Variants in PGBD5 observed in about 807,000 individuals in gnomAD.
PGBD5 encodes the protein piggyBac transposable element derived 5.
PGBD5 carries 14 observed loss-of-function variants against 47.9 expected under a neutral mutation model. The observed-to-expected ratio is 0.29, with a 90% CI of 0.19 to 0.46. The LOEUF (loss-of-function observed/expected upper bound fraction) is 0.46. Ranked by LOEUF, PGBD5 falls within the 20% of genes least tolerant of loss-of-function variation. PGBD5 has a pLI of 1.00. For synonymous variants in PGBD5, 316 were observed against 306.3 expected (o/e 1.03, Z -0.33); for missense variants, 635 against 716.0 (o/e 0.89, Z 1.29).
rs778391252 is a variant in PGBD5 at position 230,368,176 on chromosome 1, A to G, written c.332-10855T>C. 7.3e-6 allele frequency: 10 copies of G among 1,363,346 alleles called. No individual in the cohort carries two copies. The East Asian group carries it at 1.4e-4, about 19-fold the overall frequency. 84.5% of individuals were successfully genotyped at this position (1,363,346 alleles called of 1,614,324 possible). The stretch of plus-strand genomic sequence containing the variant: ...AGGAGGAATAAGGTGGAGGAGAGAG[A>G]AGGCTTGGGGAGATGGATAAAAGCT... On this transcript the variant is annotated intron_variant, in intron 1 of 6. Coordinates refer to ENST00000391860, the MANE Select transcript of PGBD5 (RefSeq NM_001258311.2).
intron 1 of PGBD5, among the ~76,000 whole-genome samples, chr1:230,373,854 C>A (rs559493381): frequency 6.6e-6 from 1 of 152,044 alleles, no homozygotes; most frequent in Admixed American, 6.5e-5. Context: ...CCACCACACC[C>A]GGCTAATTTT....
At chr1:230,405,022 G>A (rs936488428) in intron 1 of PGBD5, among the ~76,000 whole-genome samples, 1 of 142,026 alleles carries the variant, frequency 7.0e-6, no homozygotes, top group Non-Finnish European at 1.5e-5. Context: ...GTGAAACCCC[G>A]TCTCCACTAA....
chr1:230,416,081 T>C (rs544775747), intron 1 of PGBD5, among the ~76,000 whole-genome samples: 1 of 152,356 alleles, frequency 6.6e-6, no homozygotes, highest in East Asian at 1.9e-4. Flanking sequence ...TGCAAGCAGC[T>C]GGCTTCCCTG....
chr1:230,378,268 G>A (rs966733829), intron 1 of PGBD5, among the ~76,000 whole-genome samples: 3 of 152,172 alleles, frequency 2.0e-5, no homozygotes, highest in African/African-American at 7.2e-5. Context: ...TCAAATCACT[G>A]CCATTGCAGG....
chr1:230,350,828 T>G (rs1667549089), intron 3 of PGBD5, 130 bp downstream of exon 3: 2 of 1,334,808 alleles, frequency 1.5e-6, no homozygotes, highest in East Asian at 4.9e-5. Context: ...CAGGAGCATC[T>G]GGGTGGACTT....
At chr1:230,422,466 G>A (rs1248142900) in intron 1 of PGBD5, among the ~76,000 whole-genome samples, 1 of 152,168 alleles carries the variant, frequency 6.6e-6, no homozygotes, top group African/African-American at 2.4e-5. Flanking sequence ...CTGCAAGTCT[G>A]GTTAAGAGAG....
intron 3 of PGBD5, among the ~76,000 whole-genome samples, chr1:230,338,360 C>T (rs962146988): frequency 1.3e-5 from 2 of 152,228 alleles, no homozygotes; most frequent in East Asian, 1.9e-4. Context: ...GGGTTCTCAT[C>T]TGGTGCTTGG....
At chr1:230,395,380 G>A (rs1263844165) in intron 1 of PGBD5, among the ~76,000 whole-genome samples, 15 of 13,742 alleles carry the variant, frequency 1.1e-3, no homozygotes, top group Admixed American at 2.1e-3. Flanking sequence ...CTCTCCTCAT[G>A]CTCCTCCCCA....
intron 3 of PGBD5, among the ~76,000 whole-genome samples, chr1:230,348,832 G>A (rs142956965): frequency 1.1e-3 from 175 of 152,282 alleles, no homozygotes; most frequent in African/African-American, 2.7e-3. Flanking sequence ...GTCCTGTCAC[G>A]GCACAGCCTG....
intron 3 of PGBD5, among the ~76,000 whole-genome samples, chr1:230,337,622 AG>A (rs1667347614): frequency 6.6e-6 from 1 of 152,244 alleles, no homozygotes; most frequent in South Asian, 2.1e-4. Flanking sequence ...ATAAAATTAA[AG>A]GCAACCTCAC....
At chr1:230,372,603 A>G (rs1026377756) in intron 1 of PGBD5, among the ~76,000 whole-genome samples, 2 of 152,340 alleles carry the variant, frequency 1.3e-5, no homozygotes, top group East Asian at 1.9e-4. Flanking sequence ...ATGTGGATAC[A>G]GTGGGAAAGG....
chr1:230,337,452 A>T (rs1397554024), intron 3 of PGBD5, among the ~76,000 whole-genome samples, 164 bp from the exon 4 acceptor site: 1 of 152,142 alleles, frequency 6.6e-6, no homozygotes, highest in Non-Finnish European at 1.5e-5. Context: ...GTCACCCCCA[A>T]GCACACCCCG....
intron 1 of PGBD5, among the ~76,000 whole-genome samples, chr1:230,410,210 A>G (rs1048957362): frequency 6.6e-6 from 1 of 152,174 alleles, no homozygotes; most frequent in Non-Finnish European, 1.5e-5. Flanking sequence ...TGGAAGAAAT[A>G]TAAAAGGTAG....
At chr1:230,376,623 T>C (rs972632358) in intron 1 of PGBD5, among the ~76,000 whole-genome samples, 1 of 152,118 alleles carries the variant, frequency 6.6e-6, no homozygotes, top group African/African-American at 2.4e-5. Context: ...AATGGTCCGC[T>C]CCTATCACCA....
At chr1:230,417,316 T>C (rs1304352228) in intron 1 of PGBD5, among the ~76,000 whole-genome samples, 1 of 152,144 alleles carries the variant, frequency 6.6e-6, no homozygotes, top group African/African-American at 2.4e-5. Context: ...TCTCCATGGA[T>C]TCTGCCCTAA....
At chr1:230,375,309 C>T (rs1667994038) in intron 1 of PGBD5, among the ~76,000 whole-genome samples, 1 of 152,310 alleles carries the variant, frequency 6.6e-6, no homozygotes, top group African/African-American at 2.4e-5. Flanking sequence ...CCTGTCAAGT[C>T]TCTGGGAAGG....
chr1:230,335,762 C>CACAG (rs1558192713), intron 4 of PGBD5, among the ~76,000 whole-genome samples: 13 of 160 alleles, frequency 0.081, no homozygotes, highest in African/African-American at 0.1. Context: ...CACAGATACA[C>CACAG]AGATACAGAC....
intron 1 of PGBD5, among the ~76,000 whole-genome samples, chr1:230,358,440 G>A (rs1435275215): frequency 1.3e-5 from 2 of 152,086 alleles, no homozygotes; most frequent in Non-Finnish European, 2.9e-5. Context: ...CTAGGAAAAA[G>A]CAATTTTCAT....
chr1:230,419,703 CAT>C (rs1278872643), intron 1 of PGBD5, among the ~76,000 whole-genome samples: 1 of 152,188 alleles, frequency 6.6e-6, no homozygotes, highest in Non-Finnish European at 1.5e-5. Context: ...CTGGCAAAGG[CAT>C]AAAAAGGTAC....
Sources: gnomAD v4.1 joint callset for allele counts (sites outside exome capture counted in the v4.1 genomes callset) on GRCh38, gnomAD v4.1.1 for gene constraint, MANE v1.5 for transcripts, NCBI Gene and HGNC (gene_info 2026-07-23, HGNC 2026-07-21) for gene names.